CRADD: variants seen among roughly 807,000 people sequenced by gnomAD.
CRADD encodes the protein death domain-containing protein CRADD.
In CRADD, 9 loss-of-function variants were observed where a neutral mutation model predicts 15.5. The ratio of observed to expected loss-of-function variants is 0.58; its 90% CI spans 0.35 to 1.01. CRADD has a LOEUF of 1.01. CRADD is among the 50% of genes least tolerant of loss of function. CRADD has a pLI of 0.02. For missense variants in CRADD, 227 were observed against 250.3 expected (o/e 0.91, Z 0.63); for synonymous variants, 118 against 107.6 (o/e 1.10, Z -0.60).
chr12:93,749,905 T>C (rs780199596), intron 2 of CRADD, among the ~76,000 whole-genome samples: 15 of 152,194 alleles, frequency 9.9e-5, no homozygotes, highest in Non-Finnish European at 8.8e-5. Context: ...TAGAACTTGG[T>C]TCAGTACAAC....
At chr12:93,750,499 T>C (rs76489161) in intron 2 of CRADD, among the ~76,000 whole-genome samples, 2 of 152,186 alleles carry the variant, frequency 1.3e-5, no homozygotes, top group Non-Finnish European at 2.9e-5. Flanking sequence ...CTATAGAATA[T>C]TCACATACTA....
chr12:93,864,399 C>T (rs544910938), intron 2 of CRADD, among the ~76,000 whole-genome samples: 18 of 152,306 alleles, frequency 1.2e-4, no homozygotes, highest in South Asian at 4.2e-4. Context: ...CACATTTTCT[C>T]TTCTGAACCA....
intron 2 of CRADD, among the ~76,000 whole-genome samples, chr12:93,711,271 C>T (rs140912025): frequency 1.6e-3 from 243 of 152,026 alleles, no homozygotes; most frequent in African/African-American, 5.0e-3. Context: ...TTGCTCTGGG[C>T]TGAGATAATG....
rs190684170 is a variant in CRADD at position 93,679,040 on chromosome 12, C to T, written c.266C>T (p.Ala89Val). The T allele has an allele frequency of 2.5e-6, 4 of 1,613,922 alleles. No individual in the cohort carries two copies. The African/African-American group carries it at 5.3e-5, about 22-fold the overall frequency. The change falls in exon 2 of 3, where the codon GCA (alanine) becomes GTA (valine). Residue 89 changes from alanine to valine, a missense_variant. Transcript: ENST00000332896. Reference protein sequence around the residue: ...FPWVREKLKKAREEAMTDLPA... With the variant: ...FPWVREKLKKVREEAMTDLPA... The stretch of plus-strand genomic sequence containing the variant: ...TGGGTCAGGGAGAAGCTGAAGAAGG[C>T]AAGGGAAGAGGCCATGACCGACCTG...
At chr12:93,856,434 G>A (rs1290887524) in intron 2 of CRADD, among the ~76,000 whole-genome samples, 2 of 152,306 alleles carry the variant, frequency 1.3e-5, no homozygotes, top group South Asian at 4.1e-4. Flanking sequence ...AGCCTGCTGG[G>A]GAGACAGCTA....
chr12:93,729,590 A>G (rs927348063), intron 2 of CRADD, among the ~76,000 whole-genome samples: 6 of 152,224 alleles, frequency 3.9e-5, no homozygotes, highest in African/African-American at 1.2e-4. Context: ...GTTTGAGACC[A>G]GCCTGACCAA....
At chr12:93,696,700 C>A (rs1393741160) in intron 2 of CRADD, among the ~76,000 whole-genome samples, 1 of 151,698 alleles carries the variant, frequency 6.6e-6, no homozygotes, top group Non-Finnish European at 1.5e-5. Flanking sequence ...CTACAGTTGG[C>A]CCTTTGTATC....
At chr12:93,777,291 C>T (rs1592981257) in intron 2 of CRADD, among the ~76,000 whole-genome samples, 1 of 152,320 alleles carries the variant, frequency 6.6e-6, no homozygotes, top group South Asian at 2.1e-4. Context: ...AGACAAGAGG[C>T]AGTTGATGCC....
At position 93,878,833 on chromosome 12, in the gene CRADD, C is replaced by T. The variant is rs185487869; in HGVS notation, c.299-15217C>T. Among the ~76,000 whole-genome samples the T allele has an allele frequency of 2.6e-5, 4 of 152,320 alleles. No homozygotes were observed. The East Asian group carries it at 7.7e-4, about 29-fold the overall frequency. ...TGTTTTTTCTATCTCTTCAGTGGCTCTTTCATCGGTATGAAGATAAAACCA... is the reference window on the plus strand; with the variant it reads ...TGTTTTTTCTATCTCTTCAGTGGCTTTTTCATCGGTATGAAGATAAAACCA... On this transcript the variant is annotated intron_variant, in intron 2 of 2. Coordinates refer to the CRADD transcript ENST00000548483.
At chr12:93,864,739 A>G (rs145307269) in intron 2 of CRADD, among the ~76,000 whole-genome samples, 18 of 152,316 alleles carry the variant, frequency 1.2e-4, no homozygotes, top group Non-Finnish European at 1.8e-4. Flanking sequence ...ACAAAAACGT[A>G]TGTGTACCCC....
At chr12:93,818,617 G>C (rs1957735683) in intron 2 of CRADD, among the ~76,000 whole-genome samples, 1 of 152,204 alleles carries the variant, frequency 6.6e-6, no homozygotes, top group Non-Finnish European at 1.5e-5. Context: ...AGGGGTTTAT[G>C]AGTTAGAAAT....
chr12:93,699,907 G>A (rs555064736), intron 2 of CRADD, among the ~76,000 whole-genome samples: 12 of 152,280 alleles, frequency 7.9e-5, no homozygotes, highest in African/African-American at 2.4e-4. Flanking sequence ...ACATGCATAC[G>A]AATTCTGAAC....
rs76398436 is a variant in CRADD at position 93,814,896 on chromosome 12, A to C, written c.299-35074A>C. On this transcript the variant is annotated intron_variant, in intron 2 of 2. Coordinates refer to ENST00000332896, the MANE Select transcript of CRADD (RefSeq NM_003805.5). ...AATTACCATTCCTAGATCTAATATC[A>C]ATTTTTTGTATGATTTTGCCCCACA... Among the ~76,000 whole-genome samples, 1,397 of 152,328 alleles carry C rather than the reference A, an allele frequency of 9.2e-3. 25 individuals carry two copies. Among genetic ancestry groups the C allele is most frequent in the African/African-American group, 0.028 (1,180 of 41,568 alleles).
At chr12:93,867,091 C>T (rs1958374160) in intron 2 of CRADD, among the ~76,000 whole-genome samples, 1 of 152,026 alleles carries the variant, frequency 6.6e-6, no homozygotes, top group African/African-American at 2.4e-5. Flanking sequence ...TTTGTCTTCC[C>T]CTTTACTCCC....
intron 2 of CRADD, among the ~76,000 whole-genome samples, chr12:93,821,509 A>G (rs1355141349): frequency 6.6e-6 from 1 of 152,162 alleles, no homozygotes; most frequent in Non-Finnish European, 1.5e-5. Flanking sequence ...AAAGAAACAC[A>G]CCATGTAACT....
intron 2 of CRADD, among the ~76,000 whole-genome samples, chr12:93,793,337 T>C (rs1957373176): frequency 6.6e-6 from 1 of 152,292 alleles, no homozygotes; most frequent in East Asian, 1.9e-4. Context: ...TGCACAAATA[T>C]AAAGCTAGAA....
At chr12:93,700,017 A>C (rs1254753017) in intron 2 of CRADD, among the ~76,000 whole-genome samples, 1 of 152,186 alleles carries the variant, frequency 6.6e-6, no homozygotes, top group African/African-American at 2.4e-5. Context: ...AGTGCTTCGA[A>C]GGTGAATCTG....
At chr12:93,850,762 G>T (rs921259540), downstream of CRADD, 14 of 981,572 alleles carry the variant, frequency 1.4e-5, no homozygotes, top group African/African-American at 2.3e-4. This position sits in a 1 kb window ranked among gnomAD's most constrained non-coding sequence, Gnocchi z 4.0. Flanking sequence ...AGAAAGTACC[G>T]TGTTGGGTTT....
chr12:93,816,736 T>C (rs1054526892), intron 2 of CRADD, among the ~76,000 whole-genome samples: 3 of 152,180 alleles, frequency 2.0e-5, no homozygotes, highest in Non-Finnish European at 2.9e-5. Context: ...CCAGTTCACC[T>C]GTCTAGGCAG....
Sources: gnomAD v4.1 joint callset for allele counts (sites outside exome capture counted in the v4.1 genomes callset) on GRCh38, gnomAD v4.1.1 for gene constraint, Gnocchi (gnomAD v3.1) non-coding constraint, MANE v1.5 for transcripts, NCBI Gene and HGNC (gene_info 2026-07-23, HGNC 2026-07-21) for gene names.